NEK3: variants seen among roughly 807,000 people sequenced by gnomAD.
NEK3 encodes the protein serine/threonine-protein kinase Nek3.
A neutral mutation model predicts 66.0 loss-of-function variants in NEK3; 54 were observed. The ratio of observed to expected loss-of-function variants is 0.82; its 90% CI spans 0.66 to 1.03. The LOEUF is 1.03. Ranked by LOEUF, NEK3 falls within the 50% of genes least tolerant of loss-of-function variation. The pLI is 0.00. For synonymous variants in NEK3, 200 were observed against 206.2 expected, an observed-to-expected ratio of 0.97 and a Z score of 0.26; for missense variants, 593 against 603.0, an observed-to-expected ratio of 0.98 and a Z score of 0.17.
chr13:52,144,704 C>T lies in NEK3; in HGVS notation c.791G>A (p.Cys264Tyr), dbSNP rs1956279360. The change falls in exon 9 of 16, where the codon TGC becomes TAC. Residue 264 changes from cysteine to tyrosine, a missense_variant. Cys to Tyr is a radical substitution (Grantham distance 194). Transcript: ENST00000610828. ...CACAGATCATACCTCGGGGGGTAAGCACTTCTGGACAAGCCGAGCTACGAT... is the reference window on the plus strand; with the variant it reads ...CACAGATCATACCTCGGGGGGTAAGTACTTCTGGACAAGCCGAGCTACGAT... ...RGIVARLVQK[C>Y]LPPEIIMEYG... 6.2e-7 allele frequency: 1 copy of T among 1,613,612 alleles called. No homozygotes were observed. The highest frequency in any genetic ancestry group is 1.1e-5 in the South Asian group (1 of 91,062).
Position 52,153,918 on chromosome 13 carries a change from C to A in NEK3, c.286G>T (p.Gly96Ter). Residue 96 changes from glycine (G) to a stop codon, truncating the protein, a stop_gained, in exon 4 of 16, where the codon GGA (glycine) becomes TGA (stop). Coordinates refer to ENST00000610828, the MANE Select transcript of NEK3 (RefSeq NM_002498.3). LOFTEE classifies it high-confidence loss of function. Reference sequence around the variant, plus strand: ...ACCATGTCTTCAGGAAATAACTTTCCTTTCTGCTGTTTAATCTTTTGCATT... The same window carrying A: ...ACCATGTCTTCAGGAAATAACTTTCATTTCTGCTGTTTAATCTTTTGCATT... ...DLMQKIKQQK[G>*]KLFPEDMILN... 1.2e-6 allele frequency: 2 copies of A among 1,612,194 alleles called. No individual in the cohort carries two copies. Among genetic ancestry groups the A allele is most frequent in the South Asian group, 2.2e-5 (2 of 91,022 alleles).
chr13:52,144,047 G>T, intron 9 of NEK3, 60 bp from the exon 10 acceptor site: 3 of 886,736 alleles, frequency 3.4e-6, no homozygotes, highest in Non-Finnish European at 5.2e-6. Flanking sequence ...AGATACTGCC[G>T]TGATGTCATT....
chr13:52,153,828 T>C, intron 4 of NEK3, 67 bp downstream of exon 4: 1 of 1,037,498 alleles, frequency 9.6e-7, no homozygotes, highest in Non-Finnish European at 1.5e-6. Flanking sequence ...TTATTTTAAC[T>C]TATATAAAGT....
chr13:52,142,649 T>G (rs566131041), intron 10 of NEK3, among the ~76,000 whole-genome samples: 1 of 152,348 alleles, frequency 6.6e-6, no homozygotes, highest in South Asian at 2.1e-4. Context: ...AAACAACACT[T>G]AAAAGTTAAG....
In NEK3 at chr13:52,143,925, T is replaced by G. The variant is rs1566855110; in HGVS notation, c.867A>C (p.Pro289=). 4 of 1,469,868 alleles carry G rather than the reference T, an allele frequency of 2.7e-6. No individual in the cohort carries two copies. In the South Asian group the frequency reaches 5.0e-5, roughly 19 times the overall value. 91.1% of individuals were successfully genotyped at this position (1,469,868 alleles called of 1,614,324 possible). A position where few individuals can be genotyped will look rare whatever the true frequency, so the allele number is the denominator to read the frequency against. ...TGTCAAAATTCTTACTTTTTTTTCT[T>G]GGTGTGTTATGCTTCGAATTTTTTA... The part of the protein sequence containing the change: ...EEIKNSKHNT[P]RKKTNPSRIR... Residue 289 remains proline (P), a synonymous_variant, in exon 10 of 16, where the codon CCA becomes CCC. Coordinates refer to ENST00000610828, the MANE Select transcript of NEK3 (RefSeq NM_002498.3).
At chr13:52,136,048 T>C in intron 13 of NEK3, 68 bp downstream of exon 13, 1 of 1,579,498 alleles carries the variant, frequency 6.3e-7, no homozygotes, top group Non-Finnish European at 8.7e-7. Context: ...TAAAAGGCTC[T>C]AAGTGCACTA....
chr13:52,159,146 G>A (rs1462150530), intron 1 of NEK3: 1 of 152,248 alleles, frequency 6.6e-6, no homozygotes, highest in Non-Finnish European at 1.5e-5. Context: ...GTTCTGGTTT[G>A]GCCAGCCCTG....
intron 14 of NEK3, 106 bp from the exon 15 acceptor site, chr13:52,133,921 T>C (rs562525057): frequency 2.1e-5 from 24 of 1,164,196 alleles, no homozygotes; most frequent in African/African-American, 6.1e-5. Context: ...GACAATGCCA[T>C]GTCCCATAAC....
rs147159480 is a variant in NEK3, at chr13:52,154,719, A to T, written c.118-546T>A. Among the ~76,000 whole-genome samples, 8 of 151,558 alleles carry T rather than the reference A, an allele frequency of 5.3e-5. No individual in the cohort carries two copies. In the East Asian group the frequency reaches 1.6e-3, roughly 31 times the overall value. On this transcript the variant is annotated intron_variant, in intron 2 of 15. Coordinates refer to ENST00000610828, the MANE Select transcript of NEK3 (RefSeq NM_002498.3). ...AAACCATTTATCCCTAACTTACTCT[A>T]TGAGGATGAAATTCTGAATGATTCA...
intron 15 of NEK3, 58 bp downstream of exon 15, chr13:52,133,631 A>G: frequency 6.8e-7 from 1 of 1,461,096 alleles, no homozygotes; most frequent in South Asian, 1.3e-5. Context: ...ACACACACAC[A>G]CACACACACA....
In NEK3 at chr13:52,136,121, T is replaced by A. The variant is rs1956203584; in HGVS notation, c.1169A>T (p.Asp390Val). 6.2e-7 allele frequency: 1 copy of A among 1,613,716 alleles called. No homozygotes were observed. The highest frequency in any genetic ancestry group is 8.5e-7 in the Non-Finnish European group (1 of 1,179,686). Residue 390 changes from aspartate (D) to valine (V), a missense_variant, in exon 13 of 16, where the codon GAT becomes GTT. Physicochemically the swap from Asp to Val is radical, Grantham distance 152 (BLOSUM62 -3). Transcript: ENST00000610828. ...TATTCAATCTGACTACTAACCTCTA[T>A]CGTCCTCTGCTGTTAAACTGGAGGT... ...ILTSSLTAED[D>V]RGGSVIKYSK...
In NEK3 at chr13:52,154,110, T is replaced by C; in HGVS notation, c.181A>G (p.Asn61Asp). 1 of 1,612,354 alleles carries C rather than the reference T, an allele frequency of 6.2e-7. No individual in the cohort carries two copies. The highest frequency in any genetic ancestry group is 8.5e-7 in the Non-Finnish European group (1 of 1,178,920). Residue 61 changes from asparagine (N) to aspartate (D), a missense_variant, in exon 3 of 16, where the codon AAT becomes GAT. Physicochemically the swap from Asn to Asp is conservative, Grantham distance 23. Transcript: ENST00000610828. ...AATGATTCTTTGAAGGCAACAATAT[T>C]AGGGTGTTTCATTTTGGCTAAAAGA... is the stretch of plus-strand genomic sequence containing the variant. ...AVLLAKMKHPNIVAFKESFEA... is the reference protein window; with the variant it reads ...AVLLAKMKHPDIVAFKESFEA...
intron 7 of NEK3, among the ~76,000 whole-genome samples, chr13:52,149,591 C>A (rs1048314418): frequency 6.6e-6 from 1 of 152,020 alleles, no homozygotes; most frequent in Non-Finnish European, 1.5e-5. Context: ...GGTTGCCCGC[C>A]GGGCATGGTG....
chr13:52,140,871 A>G (rs1197568522), intron 11 of NEK3, 149 bp downstream of exon 11: 2 of 494,102 alleles, frequency 4.0e-6, no homozygotes, highest in Non-Finnish European at 7.1e-6. Flanking sequence ...GCTGGAGTGC[A>G]ATGGCGCAAT....
At chr13:52,152,972 A>C (rs1956360101) in intron 4 of NEK3, among the ~76,000 whole-genome samples, 1 of 152,220 alleles carries the variant, frequency 6.6e-6, no homozygotes, top group Non-Finnish European at 1.5e-5. Context: ...ACCAAATAAA[A>C]GTATTTCTTA....
At chr13:52,149,448 T>C (rs2138205740) in intron 7 of NEK3, among the ~76,000 whole-genome samples, 1 of 152,298 alleles carries the variant, frequency 6.6e-6, no homozygotes, top group Admixed American at 6.5e-5. Flanking sequence ...CCCCGTTTAG[T>C]TTTTTTAAAT....
intron 10 of NEK3, among the ~76,000 whole-genome samples, chr13:52,143,274 C>A (rs1157452479): frequency 5.9e-5 from 9 of 151,800 alleles, no homozygotes; most frequent in Admixed American, 4.6e-4. Flanking sequence ...CGAGATTGTG[C>A]CATTGCACTC....
chr13:52,148,491 G>T lies in NEK3; in HGVS notation c.549-22C>A, dbSNP rs754391748. On this transcript the variant is annotated intron_variant, in intron 7 of 15. Transcript: ENST00000610828. ...GTCACTGAAAGCATAAAGAAGCAAT[G>T]TAATCACAAGCAGGTTACGTATTTT... The T allele has an allele frequency of 2.5e-6, 4 of 1,609,040 alleles. No individual in the cohort carries two copies. The East Asian group carries it at 8.9e-5, about 36-fold the overall frequency.
chr13:52,144,059 C>A, intron 9 of NEK3, 72 bp from the exon 10 acceptor site: 5 of 795,474 alleles, frequency 6.3e-6, no homozygotes, highest in Non-Finnish European at 1.0e-5. Context: ...GATGTCATTT[C>A]ATCATCAGCA....
Sources: gnomAD v4.1 joint callset for allele counts (sites outside exome capture counted in the v4.1 genomes callset) on GRCh38, gnomAD v4.1.1 for gene constraint, MANE v1.5 for transcripts, NCBI Gene and HGNC (gene_info 2026-07-23, HGNC 2026-07-21) for gene names.